Variants in ROR1 observed in about 807,000 individuals in gnomAD.
The protein encoded by ROR1 is inactive tyrosine-protein kinase transmembrane receptor ROR1.
ROR1 carries 19 observed loss-of-function variants against 78.8 expected under a neutral mutation model. That is an observed-to-expected ratio of 0.24 (90% CI 0.17 to 0.35). The LOEUF (loss-of-function observed/expected upper bound fraction) is 0.35. ROR1 is among the 10% of genes least tolerant of loss of function. The pLI is 1.00. For missense variants in ROR1, 917 were observed against 1,177.8 expected (o/e 0.78, Z 3.24); for synonymous variants, 386 against 433.6 (o/e 0.89, Z 1.36).
chr1:63,880,125 G>C (rs1360903170), intron 1 of ROR1, among the ~76,000 whole-genome samples: 1 of 152,054 alleles, frequency 6.6e-6, no homozygotes, highest in East Asian at 1.9e-4. Context: ...GTGAAATGTG[G>C]GTAATAATAG....
At chr1:64,168,465 TAGGAGCCA>T in intron 8 of ROR1, among the ~76,000 whole-genome samples, 1 of 152,234 alleles carries the variant, frequency 6.6e-6, no homozygotes, top group Non-Finnish European at 1.5e-5. Flanking sequence ...ATATCTAGGA[TAGGAGCCA>T]TGTCTTCTCT....
chr1:64,116,790 A>G (rs565896625), intron 4 of ROR1, among the ~76,000 whole-genome samples: 3 of 152,100 alleles, frequency 2.0e-5, no homozygotes, highest in African/African-American at 7.2e-5. Flanking sequence ...TTGAGAGGAA[A>G]CTCAAGTTCC....
chr1:64,049,641 C>G (rs1260626222), intron 2 of ROR1, 50 bp from the exon 3 acceptor site: 2 of 1,541,126 alleles, frequency 1.3e-6, no homozygotes, highest in Admixed American at 1.7e-5. Flanking sequence ...TGCTTGGAAG[C>G]CCTCTCAAGC....
At chr1:64,056,690 A>C (rs968710883) in intron 4 of ROR1, among the ~76,000 whole-genome samples, 4 of 151,310 alleles carry the variant, frequency 2.6e-5, no homozygotes, top group African/African-American at 7.3e-5. Context: ...AAAAAAAAAA[A>C]CAAACATTAT....
chr1:63,786,193 C>T (rs1268731694), intron 1 of ROR1, among the ~76,000 whole-genome samples: 1 of 151,000 alleles, frequency 6.6e-6, no homozygotes, highest in South Asian at 2.1e-4. Flanking sequence ...GTCTTCCTCC[C>T]CAGAAAGAAA....
intron 1 of ROR1, among the ~76,000 whole-genome samples, chr1:63,891,183 C>T (rs1262198597): frequency 6.6e-6 from 1 of 152,162 alleles, no homozygotes; most frequent in African/African-American, 2.4e-5. Flanking sequence ...CTAAGAAATT[C>T]TCCTATGCCT....
At chr1:63,947,608 G>A (rs894568591) in intron 1 of ROR1, among the ~76,000 whole-genome samples, 4 of 152,154 alleles carry the variant, frequency 2.6e-5, no homozygotes, top group Non-Finnish European at 4.4e-5. Context: ...GGCTTACTGT[G>A]AAGGAGGTGG....
chr1:63,971,338 A>G (rs531851411), intron 1 of ROR1, among the ~76,000 whole-genome samples: 8 of 152,330 alleles, frequency 5.3e-5, no homozygotes, highest in African/African-American at 1.9e-4. Flanking sequence ...AGGAGTTAAT[A>G]TATGTGTAAC....
chr1:63,876,264 T>C (rs1186610699), intron 1 of ROR1, among the ~76,000 whole-genome samples: 1 of 152,188 alleles, frequency 6.6e-6, no homozygotes, highest in Non-Finnish European at 1.5e-5. Context: ...GGCACACATA[T>C]AAAGAAAGCA....
At chr1:63,902,544 C>T (rs749278086) in intron 1 of ROR1, among the ~76,000 whole-genome samples, 1 of 151,950 alleles carries the variant, frequency 6.6e-6, no homozygotes, top group Non-Finnish European at 1.5e-5. Context: ...AGGCTGGTCT[C>T]GAACTCCTGG....
At chr1:63,952,275 C>T (rs1645946221) in intron 1 of ROR1, among the ~76,000 whole-genome samples, 1 of 151,712 alleles carries the variant, frequency 6.6e-6, no homozygotes. Flanking sequence ...GGCCCCCAAA[C>T]AGGAACATGC....
intron 1 of ROR1, among the ~76,000 whole-genome samples, chr1:63,949,828 G>T (rs2100468228): frequency 6.6e-6 from 1 of 152,252 alleles, no homozygotes. Flanking sequence ...TCCAGCCAGT[G>T]CCCTAACTTG....
At chr1:63,977,587 G>A (rs1646172245) in intron 1 of ROR1, among the ~76,000 whole-genome samples, 1 of 152,190 alleles carries the variant, frequency 6.6e-6, no homozygotes, top group Admixed American at 6.5e-5. Flanking sequence ...AATCAGAGAA[G>A]TTCATGCAGC....
chr1:63,881,267 A>G (rs1415860834), intron 1 of ROR1, among the ~76,000 whole-genome samples: 1 of 152,192 alleles, frequency 6.6e-6, no homozygotes, highest in African/African-American at 2.4e-5. Context: ...AGAGTGTTCC[A>G]TGGGAAAACA....
chr1:64,045,726 G>T (rs1646778329), intron 2 of ROR1, among the ~76,000 whole-genome samples: 1 of 152,034 alleles, frequency 6.6e-6, no homozygotes, highest in Admixed American at 6.5e-5. Context: ...TAGGTGTTAG[G>T]TATTACCACC....
chr1:63,875,868 G>C (rs1341992679), intron 1 of ROR1, among the ~76,000 whole-genome samples: 1 of 152,202 alleles, frequency 6.6e-6, no homozygotes, highest in African/African-American at 2.4e-5. Context: ...AATGGCCTGT[G>C]AGGTGGGTAA....
At chr1:64,022,910 G>C (rs1408947302) in intron 2 of ROR1, among the ~76,000 whole-genome samples, 1 of 151,892 alleles carries the variant, frequency 6.6e-6, no homozygotes, top group East Asian at 1.9e-4. Context: ...TGTTTGTGGG[G>C]GTTTTGTTTT....
chr1:64,088,674 C>G (rs1426078613), intron 4 of ROR1, among the ~76,000 whole-genome samples: 1 of 152,102 alleles, frequency 6.6e-6, no homozygotes, highest in African/African-American at 2.4e-5. Context: ...CATTTGTAAC[C>G]AAGTGTCCTG....
intron 2 of ROR1, among the ~76,000 whole-genome samples, chr1:64,039,942 G>A (rs917764435): frequency 2.6e-5 from 4 of 152,138 alleles, no homozygotes; most frequent in Non-Finnish European, 5.9e-5. Context: ...CTTAAGCCCC[G>A]GGGTCAGAAA....
Sources: gnomAD v4.1 joint callset for allele counts (sites outside exome capture counted in the v4.1 genomes callset) on GRCh38, gnomAD v4.1.1 for gene constraint, MANE v1.5 for transcripts, NCBI Gene and HGNC (gene_info 2026-07-23, HGNC 2026-07-21) for gene names.